TTC8: variants seen among roughly 807,000 people sequenced by gnomAD.
The protein encoded by TTC8 is tetratricopeptide repeat domain 8.
A neutral mutation model predicts 72.5 loss-of-function variants in TTC8; 47 were observed. The observed-to-expected ratio is 0.65, with a 90% confidence interval of 0.51 to 0.83. TTC8 has a LOEUF of 0.83. TTC8 is among the 40% of genes least tolerant of loss of function. The probability of loss-of-function intolerance (pLI) is 0.00; values close to 1 mark genes in which losing one functional copy is unlikely to be tolerated. For synonymous variants in TTC8, 199 were observed against 221.4 expected (o/e 0.90, Z 0.90); for missense variants, 611 against 623.2 (o/e 0.98, Z 0.21).
intron 2 of TTC8, among the ~76,000 whole-genome samples, chr14:88,834,665 C>T (rs2094741823): frequency 6.6e-6 from 1 of 151,778 alleles, no homozygotes; most frequent in African/African-American, 2.4e-5. Flanking sequence ...TGTTCATAAT[C>T]TTGATTTACA....
chr14:88,877,489 A>G lies in TTC8; in HGVS notation c.*79A>G, dbSNP rs765631826. 4.8e-5 allele frequency: 52 copies of G among 1,092,662 alleles called. No homozygotes were observed. Among genetic ancestry groups the G allele is most frequent in the Non-Finnish European group, 7.2e-5 (51 of 706,584 alleles). 67.7% of individuals were successfully genotyped at this position (1,092,662 alleles called of 1,614,324 possible). On this transcript the variant is annotated 3_prime_UTR_variant, in exon 15 of 15. Coordinates refer to ENST00000380656, the MANE Select transcript of TTC8 (RefSeq NM_144596.4). ...AAGCACTATGTCTGTGTATGTATGT[A>G]TATAGTGTAATACGTATATTTTAAC...
In TTC8 at chr14:88,839,501, A is replaced by G. The variant is rs114557412; in HGVS notation, c.194A>G (p.Asp65Gly). ...ARALTEMVYI[D>G]EIDVDQEGIA... Reference sequence around the variant, plus strand: ...GCGCTAACAGAAATGGTATACATAGATGAAATTGATGTAGATCAGGAAGGA... The same window carrying G: ...GCGCTAACAGAAATGGTATACATAGGTGAAATTGATGTAGATCAGGAAGGA... Residue 65 changes from aspartate to glycine, a missense_variant, in exon 3 of 15, where the codon GAT becomes GGT. By Grantham distance (94) the Asp-to-Gly change is moderately conservative. Transcript: ENST00000380656. 6.4e-4 allele frequency: 1,035 copies of G among 1,613,350 alleles called. 8 individuals carry two copies. The African/African-American group carries it at 0.012, about 19-fold the overall frequency.
rs771327965 is a variant in TTC8 at position 88,841,068 on chromosome 14, G to A, written c.361G>A (p.Gly121Ser). Residue 121 changes from glycine to serine, a missense_variant, in exon 5 of 15, where the codon GGT (glycine) becomes AGT (serine). Physicochemically the swap from Gly to Ser is moderately conservative, Grantham distance 56. Coordinates refer to ENST00000380656, the MANE Select transcript of TTC8 (RefSeq NM_144596.4). The part of the protein sequence containing the change: ...PITQAGRPIT[G>S]FLRPSTQSGR... ...CACACAAGCTGGAAGACCCATTACA[G>A]GTTTCCTCAGGCCCAGCACGCAGAG... 10 of 1,614,054 alleles carry A rather than the reference G, an allele frequency of 6.2e-6. No individual in the cohort carries two copies. Among genetic ancestry groups the A allele is most frequent in the Non-Finnish European group, 8.5e-6 (10 of 1,180,000 alleles).
At chr14:88,866,685 A>T (rs1313193208) in intron 10 of TTC8, among the ~76,000 whole-genome samples, 1 of 152,100 alleles carries the variant, frequency 6.6e-6, no homozygotes, top group Non-Finnish European at 1.5e-5. Flanking sequence ...CTCTGAAGAG[A>T]ATGTTTATAA....
At chr14:88,824,254 CG>C, upstream of TTC8, 1 of 161,142 alleles carries the variant, frequency 6.2e-6, no homozygotes, top group South Asian at 1.7e-4. Context: ...TTTCTAGAAT[CG>C]GAAGGTAAAG....
chr14:88,829,807 TC>T (rs1434169689), intron 1 of TTC8, among the ~76,000 whole-genome samples: 1 of 152,170 alleles, frequency 6.6e-6, no homozygotes, highest in Non-Finnish European at 1.5e-5. Context: ...AAACCAGGGC[TC>T]CCCAATGAGC....
At chr14:88,861,074 G>A in intron 9 of TTC8, 148 bp from the exon 10 acceptor site, 1 of 611,620 alleles carries the variant, frequency 1.6e-6, no homozygotes, top group Non-Finnish European at 2.8e-6. Flanking sequence ...AAAATGCTGG[G>A]AATACAGGTG....
intron 3 of TTC8, 145 bp downstream of exon 3, chr14:88,839,717 T>G: frequency 2.1e-6 from 2 of 964,820 alleles, no homozygotes; most frequent in Non-Finnish European, 3.0e-6. Context: ...GAAAAAACCA[T>G]TACTTCAAGT....
chr14:88,861,004 G>C (rs1189353945), intron 9 of TTC8, among the ~76,000 whole-genome samples: 1 of 151,504 alleles, frequency 6.6e-6, no homozygotes, highest in Non-Finnish European at 1.5e-5. Context: ...GGGTTTCACT[G>C]TGTTGCCCAG....
chr14:88,850,292 A>T (rs1279793289), intron 7 of TTC8, among the ~76,000 whole-genome samples: 1 of 152,200 alleles, frequency 6.6e-6, no homozygotes, highest in African/African-American at 2.4e-5. Context: ...CAGTCAACAG[A>T]TAGTTCTTGA....
Position 88,824,760 on chromosome 14 carries a change from G to C in TTC8, c.53G>C (p.Arg18Thr). ...LLLAWSYFRR[R>T]KFQLCADLCT... Reference sequence around the variant, plus strand: ...CTGGCCTGGAGCTATTTTAGGCGCAGGAAGTTCCAGCTCTGCGCCGATCTA... The same window carrying C: ...CTGGCCTGGAGCTATTTTAGGCGCACGAAGTTCCAGCTCTGCGCCGATCTA... The change falls in exon 1 of 15, where the codon AGG (arginine) becomes ACG (threonine). Residue 18 changes from arginine to threonine, a missense_variant. Transcript: ENST00000380656. The C allele has an allele frequency of 5.6e-6, 9 of 1,613,234 alleles. No individual in the cohort carries two copies. The highest frequency in any genetic ancestry group is 7.6e-6 in the Non-Finnish European group (9 of 1,179,744).
At position 88,871,848 on chromosome 14, in the gene TTC8, T is replaced by C. The variant is rs888755173; in HGVS notation, c.1224+125T>C. ...AGGAGGATTGCTTGAGCCCAGGAGT[T>C]TGAGACCACCCTGGGCAACATAGTG... On this transcript the variant is annotated intron_variant, in intron 12 of 14. Coordinates refer to ENST00000380656, the MANE Select transcript of TTC8 (RefSeq NM_144596.4). The surrounding 1 kb of genome is among the most constrained non-coding windows in gnomAD (Gnocchi z 4.1). The C allele has an allele frequency of 1.8e-6, 2 of 1,090,786 alleles. No individual in the cohort carries two copies. The highest frequency in any genetic ancestry group is 3.1e-5 in the African/African-American group (2 of 64,642). 67.6% of individuals were successfully genotyped at this position (1,090,786 alleles called of 1,614,324 possible). A position where few individuals can be genotyped will look rare whatever the true frequency, so the allele number is the denominator to read the frequency against.
At position 88,830,661 on chromosome 14, in the gene TTC8, C is replaced by T. The variant is rs187142360; in HGVS notation, c.115-3032C>T. Among the ~76,000 whole-genome samples the T allele has an allele frequency of 5.9e-3, 893 of 152,290 alleles. 4 individuals carry two copies. The highest frequency in any genetic ancestry group is 8.9e-3 in the Non-Finnish European group (606 of 68,016). ...CTCCCTGAGGATCAAGCCTAGCCCA[C>T]GTCTTCTGACTCTAGGGCAAAGCCT... is the stretch of plus-strand genomic sequence containing the variant. On this transcript the variant is annotated intron_variant, in intron 1 of 14. Coordinates refer to ENST00000380656, the MANE Select transcript of TTC8 (RefSeq NM_144596.4).
Position 88,831,145 on chromosome 14 carries a change from C to T in TTC8, c.115-2548C>T, listed in dbSNP as rs74398155. The T allele has an allele frequency of 6.2e-3, 1,439 of 233,938 alleles. 18 individuals carry two copies. Among genetic ancestry groups the T allele is most frequent in the African/African-American group, 0.031 (1,364 of 43,880 alleles). The allele number at this position is 233,938 out of a possible 1,614,324, so 14.5% of individuals were successfully genotyped here. ...CCAGCAGATGGCAAGGAAAGCGACCCCTCGCTGCCCTCACTGCTCATCAGT... is the reference window on the plus strand; with the variant it reads ...CCAGCAGATGGCAAGGAAAGCGACCTCTCGCTGCCCTCACTGCTCATCAGT... On this transcript the variant is annotated intron_variant, in intron 1 of 14. Coordinates refer to ENST00000380656, the MANE Select transcript of TTC8 (RefSeq NM_144596.4).
intron 6 of TTC8, among the ~76,000 whole-genome samples, chr14:88,842,534 A>G (rs2094786690): frequency 6.6e-6 from 1 of 152,152 alleles, no homozygotes; most frequent in Admixed American, 6.5e-5. Context: ...AAAGCAACTC[A>G]TGTGGAATAT....
At chr14:88,827,066 T>C (rs892731578) in intron 1 of TTC8, among the ~76,000 whole-genome samples, 1 of 152,132 alleles carries the variant, frequency 6.6e-6, no homozygotes, top group Non-Finnish European at 1.5e-5. Context: ...ATATCTTCAC[T>C]GTTATCCTGG....
At chr14:88,868,672 G>T (rs141231068) in intron 10 of TTC8, among the ~76,000 whole-genome samples, 4 of 152,244 alleles carry the variant, frequency 2.6e-5, no homozygotes, top group African/African-American at 9.6e-5. Flanking sequence ...CAGTTGCCAT[G>T]TAGTTGTCAT....
Position 88,833,740 on chromosome 14 carries a change from T to A in TTC8, c.144+18T>A. The A allele has an allele frequency of 6.2e-7, 1 of 1,611,438 alleles. No individual in the cohort carries two copies. Among genetic ancestry groups the A allele is most frequent in the African/African-American group, 1.3e-5 (1 of 74,968 alleles). ...TGCATCAGGTAAAGAAAGGTTTAGC[T>A]GCAACCTTTAGTTTAGAGAATTCTT... On this transcript the variant is annotated intron_variant, in intron 2 of 14. Coordinates refer to ENST00000380656, the MANE Select transcript of TTC8 (RefSeq NM_144596.4).
chr14:88,840,726 A>G, intron 3 of TTC8, 139 bp from the exon 4 acceptor site: 1 of 824,746 alleles, frequency 1.2e-6, no homozygotes. Flanking sequence ...ATTAGTCTAA[A>G]ACACATCTCC....
Sources: allele counts gnomAD v4.1 joint callset (sites outside exome capture counted in the v4.1 genomes callset), GRCh38; gene constraint gnomAD v4.1.1; non-coding constraint Gnocchi (gnomAD v3.1); transcripts MANE v1.5; gene names NCBI Gene and HGNC (gene_info 2026-07-23, HGNC 2026-07-21).